The following AMZ1 variants were observed in gnomAD, a reference collection of about 807,000 sequenced individuals.
AMZ1 encodes archaemetzincin-1.
A neutral mutation model predicts 29.9 loss-of-function variants in AMZ1; 39 were observed. The observed-to-expected ratio is 1.30, with a 90% CI of 1.01 to 1.70. The LOEUF (loss-of-function observed/expected upper bound fraction) is 1.70. AMZ1 is among the 40% of genes most tolerant of loss of function. The pLI is 0.00. For synonymous variants in AMZ1, 458 were observed against 304.0 expected (o/e 1.51, Z -5.27); for missense variants, 1,041 against 680.6 (o/e 1.53, Z -5.89).
chr7:2,701,228 CAA>C (rs35630946), intron 2 of AMZ1, among the ~76,000 whole-genome samples: 8 of 144,152 alleles, frequency 5.5e-5, no homozygotes, highest in Admixed American at 5.5e-4. Context: ...GAGACTGTCT[CAA>C]AAAAAAAAAG....
chr7:2,709,076 AGTG>A lies in AMZ1; in HGVS notation c.605_607del (p.Val202del). On this transcript the variant is annotated inframe_deletion and splice_region_variant, in exon 5 of 7. Transcript: ENST00000683327. ...GCCCTTCTCTCCATCTCTCTCCAGA[AGTG>A]GGCGTCTGCAGCTTCGCCCGGTTCT... is the stretch of plus-strand genomic sequence containing the variant. 1.9e-6 allele frequency: 3 copies of A among 1,585,342 alleles called. No individual in the cohort carries two copies. Among genetic ancestry groups the A allele is most frequent in the Non-Finnish European group, 2.6e-6 (3 of 1,166,368 alleles).
At chr7:2,724,913 G>A (rs1261250404) in intron 4 of AMZ1, among the ~76,000 whole-genome samples, 1 of 152,164 alleles carries the variant, frequency 6.6e-6, no homozygotes, top group African/African-American at 2.4e-5. Flanking sequence ...CGCCACACCC[G>A]GATCCGCCAG....
chr7:2,731,469 G>A lies in AMZ1; in HGVS notation n.550+21653G>A, dbSNP rs1369858981. 6.8e-6 allele frequency: 11 copies of A among 1,613,876 alleles called. No homozygotes were observed. Among genetic ancestry groups the A allele is most frequent in the Non-Finnish European group, 9.3e-6 (11 of 1,179,952 alleles). On this transcript the variant is annotated intron_variant and non_coding_transcript_variant, in intron 4 of 4. Coordinates refer to the AMZ1 transcript ENST00000489665. This position sits in a 1 kb window ranked among gnomAD's most constrained non-coding sequence, Gnocchi z 6.0. ...GGAAGAGAATGATGGAGACGTTGAA[G>A]AAGAGCTTGTTGTTGACGATGGTCT...
chr7:2,748,209 CTAAGCCAA>C (rs1160640079), intron 4 of AMZ1, among the ~76,000 whole-genome samples: 1 of 150,984 alleles, frequency 6.6e-6, no homozygotes, highest in Non-Finnish European at 1.5e-5. Context: ...CAAGTCAATC[CTAAGCCAA>C]AAGAACAAAG....
intron 4 of AMZ1, among the ~76,000 whole-genome samples, chr7:2,747,647 T>C (rs1790830761): frequency 6.6e-6 from 1 of 152,238 alleles, no homozygotes; most frequent in Non-Finnish European, 1.5e-5. Context: ...TCCTATTCAA[T>C]ATAGTGTTGG....
intron 4 of AMZ1, 50 bp from the exon 5 acceptor site, chr7:2,709,025 C>T (rs781378543): frequency 2.0e-6 from 3 of 1,519,838 alleles, no homozygotes; most frequent in South Asian, 2.6e-5. Context: ...GTGGGCCCCC[C>T]AGAGCCAAGG....
chr7:2,684,919 G>T (rs1336153330), upstream of AMZ1, among the ~76,000 whole-genome samples: 1 of 150,794 alleles, frequency 6.6e-6, no homozygotes, highest in Non-Finnish European at 1.5e-5. Context: ...GCCCAGGCTG[G>T]AGTGCAGTGG....
At chr7:2,709,592 TGCAGGGGCAA>T in intron 5 of AMZ1, 38 bp from the exon 6 acceptor site, 1 of 1,579,320 alleles carries the variant, frequency 6.3e-7, no homozygotes, top group Admixed American at 1.8e-5. Flanking sequence ...ATCTGCCGGA[TGCAGGGGCAA>T]GGCAGTGAGG....
downstream of AMZ1, among the ~76,000 whole-genome samples, chr7:2,722,007 G>A (rs543052583): frequency 4.6e-5 from 7 of 152,326 alleles, no homozygotes; most frequent in South Asian, 2.1e-4. Context: ...TGTAGCGACC[G>A]TCTTGGAGGG....
At position 2,716,754 on chromosome 7, in the gene AMZ1, A is replaced by C. The variant is rs912752268; in HGVS notation, c.*3876A>C. Among the ~76,000 whole-genome samples, 24 of 152,004 alleles carry C rather than the reference A, an allele frequency of 1.6e-4. No individual in the cohort carries two copies. The highest frequency in any genetic ancestry group is 4.1e-4 in the African/African-American group (17 of 41,386). ...CAAGTCTTCCCTAGTGGGTCAGTCA[A>C]CTCCACCGCTTAAGGGGTCCTTCCT... is the stretch of plus-strand genomic sequence containing the variant. On this transcript the variant is annotated 3_prime_UTR_variant, in exon 7 of 7. Transcript: ENST00000683327.
chr7:2,756,311 T>G (rs1791291835), intron 4 of AMZ1, among the ~76,000 whole-genome samples: 1 of 152,204 alleles, frequency 6.6e-6, no homozygotes, highest in Admixed American at 6.5e-5. Context: ...ATTCTAACTA[T>G]GTCCTATATA....
chr7:2,749,785 A>G (rs189311696), intron 4 of AMZ1, among the ~76,000 whole-genome samples: 66 of 152,336 alleles, frequency 4.3e-4, no homozygotes, highest in Admixed American at 8.5e-4. Flanking sequence ...GATGAACTTA[A>G]TAAGAGACTG....
intron 3 of AMZ1, among the ~76,000 whole-genome samples, chr7:2,707,234 G>A (rs865838282): frequency 3.5e-4 from 52 of 150,616 alleles, no homozygotes; most frequent in African/African-American, 1.2e-3. Context: ...GATAGATAGC[G>A]CCACTACACT....
chr7:2,703,062 C>T (rs1485881720), intron 3 of AMZ1, among the ~76,000 whole-genome samples, 173 bp downstream of exon 3: 1 of 152,226 alleles, frequency 6.6e-6, no homozygotes, highest in Admixed American at 6.5e-5. Context: ...CTTCTTCCCA[C>T]CCAGGAGTGT....
intron 3 of AMZ1, among the ~76,000 whole-genome samples, chr7:2,705,915 C>T (rs964758023): frequency 3.3e-5 from 5 of 152,268 alleles, no homozygotes; most frequent in East Asian, 1.9e-4. Flanking sequence ...ACGCCGTACA[C>T]GGTGCGTCTC....
Position 2,717,901 on chromosome 7 carries a change from T to A in AMZ1, c.*5023T>A, listed in dbSNP as rs1789222585. 6.6e-6 allele frequency among the ~76,000 whole-genome samples: 1 copy of A among 152,140 alleles called. No homozygotes were observed. Among genetic ancestry groups the A allele is most frequent in the South Asian group, 2.1e-4 (1 of 4,826 alleles). On this transcript the variant is annotated 3_prime_UTR_variant, in exon 7 of 7. Coordinates refer to ENST00000683327, the MANE Select transcript of AMZ1 (RefSeq NM_001384743.1). Reference sequence around the variant, plus strand: ...AGAAGCGTCCTGGGGTCACCACGCGTTCAGTCCAACTCTTCCCCGCTGCAG... The same window carrying A: ...AGAAGCGTCCTGGGGTCACCACGCGATCAGTCCAACTCTTCCCCGCTGCAG...
At chr7:2,705,460 C>T (rs970763586) in intron 3 of AMZ1, among the ~76,000 whole-genome samples, 1 of 152,186 alleles carries the variant, frequency 6.6e-6, no homozygotes, top group Non-Finnish European at 1.5e-5. Context: ...GCATACATCA[C>T]GTGGCCATCA....
chr7:2,762,470 C>T, upstream of AMZ1: 1 of 641,050 alleles, frequency 1.6e-6, no homozygotes, highest in Non-Finnish European at 2.5e-6. Flanking sequence ...AGCCTCTGAA[C>T]CCACCCGTGT....
intron 4 of AMZ1, among the ~76,000 whole-genome samples, chr7:2,750,168 G>A (rs1790962216): frequency 1.3e-5 from 2 of 152,178 alleles, no homozygotes; most frequent in African/African-American, 4.8e-5. Flanking sequence ...TAAAGGGCCT[G>A]GAAGTCGTCA....
Sources: allele counts gnomAD v4.1 joint callset (sites outside exome capture counted in the v4.1 genomes callset), GRCh38; gene constraint gnomAD v4.1.1; non-coding constraint Gnocchi (gnomAD v3.1); transcripts MANE v1.5; gene names NCBI Gene and HGNC (gene_info 2026-07-23, HGNC 2026-07-21).